The following ABCA13 variants were observed in gnomAD, a reference collection of about 807,000 sequenced individuals.
The protein encoded by ABCA13 is ATP-binding cassette sub-family A member 13.
A neutral mutation model predicts 478.7 loss-of-function variants in ABCA13; 476 were observed. The observed-to-expected ratio is 0.99, with a 90% confidence interval of 0.92 to 1.07. The LOEUF is 1.07. ABCA13 is among the 50% of genes least tolerant of loss of function. The pLI, the probability that ABCA13 is intolerant of heterozygous loss-of-function variation, is 0.00. For missense variants in ABCA13, 6,060 were observed against 5,910.6 expected (o/e 1.03, Z -0.83); for synonymous variants, 2,252 against 2,158.9 (o/e 1.04, Z -1.20).
intron 42 of ABCA13, among the ~76,000 whole-genome samples, chr7:48,433,360 TA>T (rs1296121298): frequency 1.3e-5 from 2 of 151,160 alleles, no homozygotes; most frequent in Admixed American, 1.3e-4. Context: ...ACTCAAAAAA[TA>T]TTTTTTTCAT....
At chr7:48,256,596 C>T (rs796921728) in intron 15 of ABCA13, among the ~76,000 whole-genome samples, 3 of 152,136 alleles carry the variant, frequency 2.0e-5, no homozygotes, top group African/African-American at 7.2e-5. Context: ...TGTCAAAGAT[C>T]GATGGTTTTA....
At chr7:48,314,552 T>C in intron 26 of ABCA13, 143 bp downstream of exon 26, 3 of 772,176 alleles carry the variant, frequency 3.9e-6, no homozygotes, top group Middle Eastern at 3.8e-4. Context: ...CCCCAAATGC[T>C]GGCATGGCAG....
At chr7:48,263,284 C>G (rs1794438950) in intron 15 of ABCA13, among the ~76,000 whole-genome samples, 1 of 151,906 alleles carries the variant, frequency 6.6e-6, no homozygotes, top group Admixed American at 6.6e-5. Context: ...TTATTTCCTC[C>G]TTTTCCTATT....
At chr7:48,633,925 T>C (rs537592697) in intron 59 of ABCA13, among the ~76,000 whole-genome samples, 120 of 111,786 alleles carry the variant, frequency 1.1e-3, no homozygotes, top group African/African-American at 4.2e-3. Context: ...CATAGATAGA[T>C]AGATACATAG....
rs373003314 is a variant in ABCA13 at position 48,641,560 on chromosome 7, A to G, written c.14838-1728A>G. Among the ~76,000 whole-genome samples the G allele has an allele frequency of 5.3e-5, 8 of 152,216 alleles. No individual in the cohort carries two copies. In the South Asian group the frequency reaches 6.2e-4, roughly 12 times the overall value. On this transcript the variant is annotated intron_variant, in intron 59 of 61. Transcript: ENST00000435803. ...CAACTGAGGTTAGAAAATTTACCAG[A>G]CTTTCCAGGGTCAAACAACTGGTAC...
At chr7:48,270,570 T>C (rs1405126) in intron 16 of ABCA13, among the ~76,000 whole-genome samples, 19,219 of 152,196 alleles carry the variant, frequency 0.13, 1,255 homozygotes, top group South Asian at 0.18. Context: ...GTTGAATTCC[T>C]AATAGAACTT....
chr7:48,400,274 C>G (rs1817422784), intron 38 of ABCA13, among the ~76,000 whole-genome samples: 1 of 152,172 alleles, frequency 6.6e-6, no homozygotes, highest in Non-Finnish European at 1.5e-5. Flanking sequence ...ATTTATTTCT[C>G]TAGCCCTAGC....
At chr7:48,317,433 C>T (rs1802759976) in intron 27 of ABCA13, 137 bp downstream of exon 27, 2 of 1,033,892 alleles carry the variant, frequency 1.9e-6, no homozygotes, top group Non-Finnish European at 2.6e-6. Context: ...TTCATTTTAG[C>T]CTGAGTGTTT....
intron 7 of ABCA13, among the ~76,000 whole-genome samples, chr7:48,231,208 C>T (rs1789026500): frequency 6.7e-6 from 1 of 150,330 alleles, no homozygotes; most frequent in African/African-American, 2.4e-5. Context: ...TCAAGGAAGT[C>T]ATGTTTAGTA....
chr7:48,432,162 T>C (rs941105367), intron 42 of ABCA13, among the ~76,000 whole-genome samples: 3 of 152,086 alleles, frequency 2.0e-5, no homozygotes, highest in Non-Finnish European at 4.4e-5. Flanking sequence ...TCAAATGACC[T>C]GAATAGATAG....
intron 55 of ABCA13, among the ~76,000 whole-genome samples, chr7:48,551,110 T>C (rs1227584616): frequency 6.6e-6 from 1 of 151,004 alleles, no homozygotes; most frequent in African/African-American, 2.4e-5. Context: ...TTGTTTCAGC[T>C]ACCTGAATTT....
At chr7:48,633,931 C>CATAGATAGATAGATACATAGATAGATAG (rs1554589114) in intron 59 of ABCA13, among the ~76,000 whole-genome samples, 1 of 144,890 alleles carries the variant, frequency 6.9e-6, no homozygotes, top group African/African-American at 2.6e-5. Flanking sequence ...TAGATAGATA[C>CATAGATAGATAGATACATAGATAGATAG]ATAGATAGAT....
intron 3 of ABCA13, among the ~76,000 whole-genome samples, chr7:48,208,673 C>T (rs746001607): frequency 6.6e-6 from 1 of 151,952 alleles, no homozygotes; most frequent in Non-Finnish European, 1.5e-5. Context: ...TGCAACTTTA[C>T]TGAATTTGTT....
chr7:48,267,329 G>A (rs190803071), intron 15 of ABCA13, among the ~76,000 whole-genome samples: 1 of 152,020 alleles, frequency 6.6e-6, no homozygotes, highest in East Asian at 1.9e-4. Flanking sequence ...TTCATGTGTT[G>A]TGAAGCTCTG....
chr7:48,372,558 A>G, intron 33 of ABCA13, 61 bp downstream of exon 33: 1 of 1,326,868 alleles, frequency 7.5e-7, no homozygotes, highest in Non-Finnish European at 1.0e-6. Flanking sequence ...TCTATCTAAC[A>G]AGACAAAATC....
chr7:48,312,621 A>G (rs540591739), intron 24 of ABCA13, among the ~76,000 whole-genome samples: 13 of 152,338 alleles, frequency 8.5e-5, no homozygotes, highest in African/African-American at 2.4e-4. Context: ...TCTCATCCAC[A>G]AAACGAACAG....
chr7:48,520,391 T>A, intron 53 of ABCA13, 97 bp downstream of exon 53: 1 of 1,376,484 alleles, frequency 7.3e-7, no homozygotes, highest in Admixed American at 2.8e-5. Context: ...AAAAATTATA[T>A]CTGATCAGCA....
At position 48,427,820 on chromosome 7, in the gene ABCA13, A is replaced by G; in HGVS notation, c.12514A>G (p.Thr4172Ala). ...SNKKSHIALG[T>A]ESELQNHRPT... The stretch of plus-strand genomic sequence containing the variant: ...CAAGAAATCTCACATTGCCCTGGGG[A>G]CTGAGTCAGAGCTGCAGAACCACAG... The change falls in exon 42 of 62, where the codon ACT becomes GCT. Residue 4172 changes from threonine (T) to alanine (A), a missense_variant. Around this residue, in one of 3 missense-constraint regions of ABCA13, gnomAD observed 1,627 missense variants for 1,571.0 expected, o/e 1.04. Coordinates refer to ENST00000435803, the MANE Select transcript of ABCA13 (RefSeq NM_152701.5). 6.2e-7 allele frequency: 1 copy of G among 1,613,196 alleles called. No homozygotes were observed. Among genetic ancestry groups the G allele is most frequent in the Non-Finnish European group, 8.5e-7 (1 of 1,179,548 alleles).
At chr7:48,171,632 C>T in intron 1 of ABCA13, 80 bp downstream of exon 1, 1 of 1,445,242 alleles carries the variant, frequency 6.9e-7, no homozygotes, top group South Asian at 1.2e-5. Context: ...CTGCCTGCCT[C>T]TGCCTCCTGG....
Sources: gnomAD v4.1 joint callset for allele counts (sites outside exome capture counted in the v4.1 genomes callset) on GRCh38, gnomAD v4.1.1 for gene constraint, gnomAD v4.1.1 regional missense constraint, MANE v1.5 for transcripts, NCBI Gene and HGNC (gene_info 2026-07-23, HGNC 2026-07-21) for gene names.